Variants in TTLL8 observed in about 807,000 individuals in gnomAD.
The protein encoded by TTLL8 is protein monoglycylase TTLL8.
Under a neutral mutation model 77.8 loss-of-function variants are expected in TTLL8, and 65 were observed. The observed-to-expected ratio is 0.84, with a 90% CI of 0.68 to 1.03. TTLL8 has a LOEUF of 1.03. Ranked by LOEUF, TTLL8 falls within the 50% of genes least tolerant of loss-of-function variation. TTLL8 has a pLI of 0.00. For missense variants in TTLL8, 910 were observed against 1,004.5 expected (o/e 0.91, Z 1.27); for synonymous variants, 402 against 422.8 (o/e 0.95, Z 0.60).
Position 50,030,815 on chromosome 22 carries a change from G to A in TTLL8, c.1818C>T (p.Ala606=), listed in dbSNP as rs781640163. The change falls in exon 12 of 14, where the codon GCC becomes GCT. Residue 606 remains alanine, a synonymous_variant. Coordinates refer to ENST00000266182, the Ensembl canonical transcript of TTLL8. ...TCAGCGGCTGCGCGTCCAACAGCGA[G>A]GCCGAGGCCTTGAGGTTGCAGACGG... The A allele has an allele frequency of 5.9e-6, 8 of 1,349,116 alleles. No homozygotes were observed. The East Asian group carries it at 2.8e-4, about 48-fold the overall frequency. 83.6% of individuals were successfully genotyped at this position (1,349,116 alleles called of 1,614,324 possible).
chr22:50,043,410 GAT>G lies in TTLL8; in HGVS notation c.644-1605_644-1604del, dbSNP rs1302990631. Among the ~76,000 whole-genome samples the G allele has an allele frequency of 7.5e-5, 7 of 92,958 alleles. No individual in the cohort carries two copies. In the East Asian group the frequency reaches 2.1e-3, roughly 28 times the overall value. The allele number at this position is 92,958 out of a possible 152,430, so 61.0% of individuals were successfully genotyped here. On this transcript the variant is annotated intron_variant, in intron 6 of 13. Coordinates refer to ENST00000266182, the Ensembl canonical transcript of TTLL8. ...AGTGGTGCCGAGACGTCCTTCGGTA[GAT>G]GGATAGATAGATAAACAGTGGTGCC...
At chr22:50,035,106 C>T (rs2061326604) in intron 8 of TTLL8, among the ~76,000 whole-genome samples, 1 of 152,152 alleles carries the variant, frequency 6.6e-6, no homozygotes, top group Non-Finnish European at 1.5e-5. Flanking sequence ...ACTCCTGCTG[C>T]CCGGATGGAT....
At chr22:50,050,306 T>C (rs1482633064) in intron 1 of TTLL8, 59 bp from the exon 4 acceptor site, 3 of 1,246,748 alleles carry the variant, frequency 2.4e-6, no homozygotes, top group Non-Finnish European at 3.2e-6. Context: ...ATAGGCAGAT[T>C]TTGGTTGCAT....
intron 8 of TTLL8, among the ~76,000 whole-genome samples, chr22:50,035,929 G>A (rs546961580): frequency 2.6e-5 from 4 of 152,226 alleles, no homozygotes; most frequent in Admixed American, 6.5e-5. Context: ...AAGTGTACGC[G>A]CCACTGTGTT....
rs2061396278 is a variant in TTLL8 at position 50,044,616 on chromosome 22, A to G, written c.643+639T>C. On this transcript the variant is annotated intron_variant, in intron 6 of 13. Coordinates refer to ENST00000266182, the Ensembl canonical transcript of TTLL8. This position sits in a 1 kb window ranked among gnomAD's most constrained non-coding sequence, Gnocchi z 4.2. ...TCACCGTTTGCTCAAATACACTCTA[A>G]AAGTTTAATGCGCCAATGTTCATCT... Among the ~76,000 whole-genome samples the G allele has an allele frequency of 6.6e-6, 1 of 152,072 alleles. No individual in the cohort carries two copies. Among genetic ancestry groups the G allele is most frequent in the Non-Finnish European group, 1.5e-5 (1 of 68,016 alleles).
chr22:50,038,813 CA>C (rs958725665), intron 8 of TTLL8, among the ~76,000 whole-genome samples: 193 of 135,486 alleles, frequency 1.4e-3, no homozygotes, highest in Admixed American at 1.5e-3. Context: ...ACCCCAATCT[CA>C]AAAAAAAAAA....
In TTLL8 at chr22:50,044,515, A is replaced by T. The variant is rs1232153800; in HGVS notation, c.643+740T>A. On this transcript the variant is annotated intron_variant, in intron 6 of 13. Transcript: ENST00000266182. This position sits in a 1 kb window ranked among gnomAD's most constrained non-coding sequence, Gnocchi z 4.2. The stretch of plus-strand genomic sequence containing the variant: ...CTCCAGCGTTCACCAATCAGGATTT[A>T]TTTCCTCTGTTTCCACGTTTACCTA... 6.6e-6 allele frequency among the ~76,000 whole-genome samples: 1 copy of T among 152,124 alleles called. No homozygotes were observed. Among genetic ancestry groups the T allele is most frequent in the Non-Finnish European group, 1.5e-5 (1 of 68,028 alleles).
chr22:50,048,564 G>C (rs530033064), intron 3 of TTLL8, among the ~76,000 whole-genome samples: 1 of 152,112 alleles, frequency 6.6e-6, no homozygotes, highest in Non-Finnish European at 1.5e-5. Context: ...CACTGCCCAC[G>C]GACCTGTGGG....
chr22:50,049,424 C>T (rs948252747), intron 2 of TTLL8, 102 bp from the exon 5 acceptor site: 4 of 1,265,894 alleles, frequency 3.2e-6, no homozygotes, highest in Non-Finnish European at 4.2e-6. Context: ...ACTTTACTTC[C>T]AGAAACCTGG....
chr22:50,041,540 C>G lies in TTLL8; in HGVS notation c.830+81G>C. The G allele has an allele frequency of 2.4e-6, 3 of 1,241,300 alleles. No individual in the cohort carries two copies. Among genetic ancestry groups the G allele is most frequent in the Non-Finnish European group, 3.1e-6 (3 of 960,100 alleles). The allele number at this position is 1,241,300 out of a possible 1,614,324, so 76.9% of individuals were successfully genotyped here. On this transcript the variant is annotated intron_variant, in intron 7 of 13. Coordinates refer to ENST00000266182, the Ensembl canonical transcript of TTLL8. The surrounding 1 kb of genome is among the most constrained non-coding windows in gnomAD (Gnocchi z 4.3). ...AATGCCCAGACAGGTGACCCAGTTC[C>G]CAGAGGCTGCACTGCCCCGGCAGCT...
chr22:50,055,591 G>A (rs2061466439), upstream of TTLL8, among the ~76,000 whole-genome samples: 1 of 151,114 alleles, frequency 6.6e-6, no homozygotes, highest in Non-Finnish European at 1.5e-5. Context: ...GGAGGCGGAG[G>A]TTGTGGTGAG....
upstream of TTLL8, among the ~76,000 whole-genome samples, chr22:50,057,375 GA>G (rs1257416611): frequency 8.7e-4 from 71 of 81,198 alleles, no homozygotes; most frequent in African/African-American, 2.0e-3. Flanking sequence ...TGGGTTGGGG[GA>G]TCAGGTCTGG....
rs954386729 is a variant in TTLL8, at chr22:50,053,174, A to T, written c.51+1402T>A. Reference sequence around the variant, plus strand: ...AAGGCAAAGGTTGCAGTGAGCCAAGACTGTGCCACTGCACTCTAGCATGGG... The same window carrying T: ...AAGGCAAAGGTTGCAGTGAGCCAAGTCTGTGCCACTGCACTCTAGCATGGG... On this transcript the variant is annotated intron_variant, in intron 1 of 13. Transcript: ENST00000266182. Among the ~76,000 whole-genome samples the T allele has an allele frequency of 2.0e-5, 3 of 149,050 alleles. No homozygotes were observed. The Admixed American group carries it at 2.1e-4, about 10-fold the overall frequency.
chr22:50,031,990 C>G (rs148864222), exon 11 of TTLL8: 1 of 1,366,568 alleles, frequency 7.3e-7, no homozygotes, highest in Non-Finnish European at 9.8e-7. Context: ...ACGGCCCTGG[C>G]GCTGCAGGTA....
At chr22:50,055,186 C>T (rs1335578277), upstream of TTLL8, 2 of 1,275,062 alleles carry the variant, frequency 1.6e-6, no homozygotes, top group South Asian at 1.3e-5. Context: ...AACAAATGTC[C>T]TTTTAAAAAA....
rs377206059 is a variant in TTLL8, at chr22:50,037,496, G to T, written c.922-3034C>A. ...ATTACAGGCGTGAGCCACCACGCCC[G>T]GCCCAATGTTTTCCCATTCTTAAAA... On this transcript the variant is annotated intron_variant, in intron 8 of 13. Transcript: ENST00000266182. Among the ~76,000 whole-genome samples the T allele has an allele frequency of 2.0e-5, 3 of 152,306 alleles. No individual in the cohort carries two copies. The East Asian group carries it at 5.8e-4, about 29-fold the overall frequency.
At chr22:50,035,952 G>T (rs141498189) in intron 8 of TTLL8, among the ~76,000 whole-genome samples, 1 of 152,228 alleles carries the variant, frequency 6.6e-6, no homozygotes, top group Admixed American at 6.5e-5. Flanking sequence ...CCCTGCTTTG[G>T]GGGGAGAAGG....
At chr22:50,047,970 G>A (rs1318057947) in intron 3 of TTLL8, among the ~76,000 whole-genome samples, 3 of 152,174 alleles carry the variant, frequency 2.0e-5, no homozygotes, top group African/African-American at 4.8e-5. Flanking sequence ...GGTGGCGGGC[G>A]CCTGTAATCC....
At chr22:50,048,657 A>G (rs1479484976) in intron 3 of TTLL8, among the ~76,000 whole-genome samples, 1 of 152,188 alleles carries the variant, frequency 6.6e-6, no homozygotes, top group African/African-American at 2.4e-5. Flanking sequence ...GCCATGTGGG[A>G]GGCGCCTCAT....
Sources: allele counts gnomAD v4.1 joint callset (sites outside exome capture counted in the v4.1 genomes callset), GRCh38; gene constraint gnomAD v4.1.1; non-coding constraint Gnocchi (gnomAD v3.1); transcripts MANE v1.5; gene names NCBI Gene and HGNC (gene_info 2026-07-23, HGNC 2026-07-21).